PIK3CD: variants seen among roughly 807,000 people sequenced by gnomAD.
The protein encoded by PIK3CD is phosphatidylinositol-4,5-bisphosphate 3-kinase catalytic subunit delta.
A neutral mutation model predicts 122.9 loss-of-function variants in PIK3CD; 20 were observed. The observed-to-expected ratio is 0.16, with a 90% CI of 0.11 to 0.24. PIK3CD has a LOEUF of 0.24. Among genes scored for constraint, PIK3CD ranks in the 10% least tolerant of loss-of-function variants. The pLI, the probability that PIK3CD is intolerant of heterozygous loss-of-function variation, is 1.00. For missense variants in PIK3CD, 787 were observed against 1,406.3 expected (o/e 0.56, Z 7.04); for synonymous variants, 596 against 593.4 (o/e 1.00, Z -0.06).
chr1:9,649,146 G>A (rs1644634123), upstream of PIK3CD, among the ~76,000 whole-genome samples: 1 of 148,472 alleles, frequency 6.7e-6, no homozygotes, highest in Admixed American at 6.8e-5. Flanking sequence ...AAAAAAAACT[G>A]GAACAATTGA....
intron 2 of PIK3CD, among the ~76,000 whole-genome samples, chr1:9,698,954 G>A (rs969031464): frequency 5.3e-5 from 8 of 152,066 alleles, no homozygotes; most frequent in African/African-American, 1.4e-4. Context: ...TTCAGAGGCC[G>A]ATGCAGGAGG....
chr1:9,694,688 TGTG>T (rs1459715328), intron 2 of PIK3CD, among the ~76,000 whole-genome samples: 1 of 151,986 alleles, frequency 6.6e-6, no homozygotes, highest in Non-Finnish European at 1.5e-5. Flanking sequence ...ACAGGCTAAA[TGTG>T]GTGGCTCATG....
In PIK3CD at chr1:9,720,325, C is replaced by T; in HGVS notation, c.1470+83C>T. Reference sequence around the variant, plus strand: ...TGCTCCTGGAGCTCTTCAGAGGGTGCTCCCTGGCCACGTCGGGGCTGGGCT... The same window carrying T: ...TGCTCCTGGAGCTCTTCAGAGGGTGTTCCCTGGCCACGTCGGGGCTGGGCT... On this transcript the variant is annotated intron_variant, in intron 11 of 23. Transcript: ENST00000377346. The surrounding 1 kb of genome is among the most constrained non-coding windows in gnomAD (Gnocchi z 9.0). The T allele has an allele frequency of 6.6e-7, 1 of 1,508,052 alleles. No homozygotes were observed. Among genetic ancestry groups the T allele is most frequent in the African/African-American group, 1.4e-5 (1 of 72,344 alleles). 93.4% of individuals were successfully genotyped at this position (1,508,052 alleles called of 1,614,324 possible). A position where few individuals can be genotyped will look rare whatever the true frequency, so the allele number is the denominator to read the frequency against.
intron 1 of PIK3CD, chr1:9,680,938 G>A (rs1451211029): frequency 6.6e-6 from 1 of 152,212 alleles, no homozygotes; most frequent in Non-Finnish European, 1.5e-5. Flanking sequence ...GGTCTCATGA[G>A]GCTGCCATTG....
intron 1 of PIK3CD, among the ~76,000 whole-genome samples, chr1:9,670,761 T>G (rs1159487578): frequency 6.6e-6 from 1 of 152,016 alleles, no homozygotes; most frequent in Non-Finnish European, 1.5e-5. Context: ...AAACAATTTG[T>G]TTTTGGTTTT....
chr1:9,675,239 A>T (rs1255424420), intron 1 of PIK3CD, among the ~76,000 whole-genome samples: 1 of 150,504 alleles, frequency 6.6e-6, no homozygotes, highest in Non-Finnish European at 1.5e-5. Context: ...CAAAAAAATT[A>T]GCCGGGCGTG....
At chr1:9,696,363 G>A (rs1183705212) in intron 2 of PIK3CD, among the ~76,000 whole-genome samples, 1 of 152,040 alleles carries the variant, frequency 6.6e-6, no homozygotes, top group African/African-American at 2.4e-5. Flanking sequence ...AAGGCAGGAG[G>A]ATCACTTGAG....
At chr1:9,640,118 C>T in the PIK3CD span, among the ~76,000 whole-genome samples, 1 of 152,016 alleles carries the variant, frequency 6.6e-6, no homozygotes, top group South Asian at 2.1e-4. Context: ...ATCGCTGTGA[C>T]CCCCGAGATA....
intron 2 of PIK3CD, among the ~76,000 whole-genome samples, chr1:9,707,307 G>A (rs1419866080): frequency 6.7e-6 from 1 of 150,226 alleles, no homozygotes; most frequent in East Asian, 2.0e-4. Context: ...CAAGAGAGAG[G>A]GTAAATTGTG....
intron 2 of PIK3CD, among the ~76,000 whole-genome samples, chr1:9,693,945 C>G (rs140749313): frequency 6.6e-6 from 1 of 152,128 alleles, no homozygotes; most frequent in African/African-American, 2.4e-5. Context: ...ACCACCCCCC[C>G]AGGCCACATA....
At chr1:9,680,294 T>C (rs1645700452) in intron 1 of PIK3CD, among the ~76,000 whole-genome samples, 1 of 152,060 alleles carries the variant, frequency 6.6e-6, no homozygotes, top group South Asian at 2.1e-4. Context: ...TTTTAGTATA[T>C]TCACAGTTAT....
chr1:9,674,692 C>CAAAA lies in PIK3CD; in HGVS notation c.-137-16760_-137-16757dup, dbSNP rs35463378. ...TGGGCGACAGAGCGAGACTCCGTCT[C>CAAAA]AAAAAAAAAAAAAAAAAAGAAACAA... On this transcript the variant is annotated intron_variant, in intron 1 of 23. Transcript: ENST00000377346. Among the ~76,000 whole-genome samples the CAAAA allele has an allele frequency of 2.7e-3, 160 of 58,218 alleles. 3 individuals carry two copies. The highest frequency in any genetic ancestry group is 8.9e-3 in the African/African-American group (154 of 17,286). 38.2% of individuals were successfully genotyped at this position (58,218 alleles called of 152,430 possible). A position where few individuals can be genotyped will look rare whatever the true frequency, so the allele number is the denominator to read the frequency against.
intron 2 of PIK3CD, among the ~76,000 whole-genome samples, chr1:9,708,301 C>T (rs1318362240): frequency 6.6e-6 from 1 of 152,022 alleles, no homozygotes; most frequent in Non-Finnish European, 1.5e-5. Flanking sequence ...CATGCCTCAG[C>T]CTCCCGAGTA....
In PIK3CD at chr1:9,710,392, G is replaced by A. The variant is rs565266270; in HGVS notation, c.-32-32G>A. On this transcript the variant is annotated intron_variant, in intron 2 of 23. Coordinates refer to ENST00000377346, the MANE Select transcript of PIK3CD (RefSeq NM_005026.5). This position sits in a 1 kb window ranked among gnomAD's most constrained non-coding sequence, Gnocchi z 4.7. The stretch of plus-strand genomic sequence containing the variant: ...CAAAGGTCTCACCCAGCTCAGCTGA[G>A]GTAACTCATTTTGCCATTTCTTCAT... 829 of 1,567,158 alleles carry A rather than the reference G, an allele frequency of 5.3e-4. 16 individuals are homozygous for A. The South Asian group carries it at 8.8e-3, about 17-fold the overall frequency.
intron 2 of PIK3CD, among the ~76,000 whole-genome samples, chr1:9,693,665 A>G (rs1323545762): frequency 6.6e-6 from 1 of 152,160 alleles, no homozygotes. Flanking sequence ...ATGAAAGTAA[A>G]GGAATAAGAA....
chr1:9,707,492 T>G (rs1025262571), intron 2 of PIK3CD, among the ~76,000 whole-genome samples: 1 of 152,202 alleles, frequency 6.6e-6, no homozygotes, highest in Non-Finnish European at 1.5e-5. Flanking sequence ...CCATGAGTTA[T>G]TCTTCCTCAT....
chr1:9,721,999 G>A lies in PIK3CD; in HGVS notation c.2080G>A (p.Ala694Thr). The A allele has an allele frequency of 3.1e-6, 5 of 1,613,684 alleles. No individual in the cohort carries two copies. The East Asian group carries it at 6.7e-5, about 22-fold the overall frequency. Residue 694 changes from alanine to threonine, a missense_variant, in exon 17 of 24, where the codon GCC becomes ACC. Around this residue, in one of 6 missense-constraint regions of PIK3CD, gnomAD observed 48 missense variants for 71.9 expected, o/e 0.67. Coordinates refer to ENST00000377346, the MANE Select transcript of PIK3CD (RefSeq NM_005026.5). ...GGGGGAAGCACTGAGCAAACTGAAG[G>A]CCCTGAATGACTTCGTCAAGCTGAG... The part of the protein sequence containing the change: ...KQGEALSKLK[A>T]LNDFVKLSSQ...
intron 2 of PIK3CD, among the ~76,000 whole-genome samples, chr1:9,696,932 C>CA (rs1350392890): frequency 2.0e-5 from 3 of 151,396 alleles, no homozygotes; most frequent in African/African-American, 7.3e-5. Flanking sequence ...CTTGTCTCTA[C>CA]AAAAAATTTG....
At chr1:9,684,912 T>C (rs563393967) in intron 1 of PIK3CD, among the ~76,000 whole-genome samples, 18 of 151,456 alleles carry the variant, frequency 1.2e-4, no homozygotes, top group South Asian at 4.2e-4. Flanking sequence ...CTTTTTTTTT[T>C]TCTCTCTCTG....
Sources: allele counts gnomAD v4.1 joint callset (sites outside exome capture counted in the v4.1 genomes callset), GRCh38; gene constraint gnomAD v4.1.1; regional missense constraint gnomAD v4.1.1; non-coding constraint Gnocchi (gnomAD v3.1); transcripts MANE v1.5; gene names NCBI Gene and HGNC (gene_info 2026-07-23, HGNC 2026-07-21).